ZDHHC14: variants seen among roughly 807,000 people sequenced by gnomAD.
ZDHHC14 encodes palmitoyltransferase ZDHHC14.
Under a neutral mutation model 47.7 loss-of-function variants are expected in ZDHHC14, and 16 were observed. The ratio of observed to expected loss-of-function variants is 0.34; its 90% CI spans 0.23 to 0.51. The LOEUF is 0.51. ZDHHC14 is among the 20% of genes least tolerant of loss of function. ZDHHC14 has a pLI of 0.97. For synonymous variants in ZDHHC14, 293 were observed against 278.9 expected, an observed-to-expected ratio of 1.05 and a Z score of -0.50; for missense variants, 515 against 662.5, an observed-to-expected ratio of 0.78 and a Z score of 2.44.
At position 157,677,220 on chromosome 6, in the gene ZDHHC14, A is replaced by G. The variant is rs1023648339; in HGVS notation, c.*4098A>G. On this transcript the variant is annotated 3_prime_UTR_variant, in exon 9 of 9. Transcript: ENST00000359775. The stretch of plus-strand genomic sequence containing the variant: ...AGGTCTGCATGTGGAGTTGTATGCT[A>G]TTTTCCAAGGTACCTCATTTAAAAA... 1 of 128,138 alleles carries G rather than the reference A, an allele frequency of 7.8e-6. No homozygotes were observed. Among genetic ancestry groups the G allele is most frequent in the African/African-American group, 3.0e-5 (1 of 33,070 alleles). The allele number at this position is 128,138 out of a possible 1,614,324, so 7.9% of individuals were successfully genotyped here.
intron 4 of ZDHHC14, chr6:157,628,724 G>A (rs1008097198): frequency 2.2e-5 from 11 of 507,540 alleles, no homozygotes; most frequent in Non-Finnish European, 3.5e-5. Context: ...TCCAGGGGTC[G>A]CACCTAGGCC....
At position 157,548,356 on chromosome 6, in the gene ZDHHC14, C is replaced by T. The variant is rs1399998594; in HGVS notation, c.406+5611C>T. Among the ~76,000 whole-genome samples, 3 of 152,202 alleles carry T rather than the reference C, an allele frequency of 2.0e-5. No individual in the cohort carries two copies. The East Asian group carries it at 5.8e-4, about 29-fold the overall frequency. On this transcript the variant is annotated intron_variant, in intron 2 of 8. Coordinates refer to ENST00000359775, the MANE Select transcript of ZDHHC14 (RefSeq NM_024630.3). The stretch of plus-strand genomic sequence containing the variant: ...TCCATGCAGAATGGATTGCACCTGC[C>T]GGTGTGGGGGTCCTTGCTGCCTCTC...
intron 1 of ZDHHC14, among the ~76,000 whole-genome samples, chr6:157,489,703 G>A (rs1258208560): frequency 2.0e-5 from 3 of 152,172 alleles, no homozygotes; most frequent in Non-Finnish European, 4.4e-5. Context: ...CGCAATGCGT[G>A]GCCTCTTACA....
At chr6:157,671,301 C>T (rs901115848) in intron 8 of ZDHHC14, among the ~76,000 whole-genome samples, 4 of 152,190 alleles carry the variant, frequency 2.6e-5, no homozygotes, top group African/African-American at 4.8e-5. Flanking sequence ...AGGTCTTGAT[C>T]GAGCTGTCCA....
intron 1 of ZDHHC14, among the ~76,000 whole-genome samples, chr6:157,493,238 A>C (rs1223928808): frequency 1.3e-5 from 2 of 152,188 alleles, no homozygotes; most frequent in African/African-American, 2.4e-5. Flanking sequence ...GTCAAGGATG[A>C]AAGGGGGAGG....
At chr6:157,485,739 A>G (rs1445897716) in intron 1 of ZDHHC14, among the ~76,000 whole-genome samples, 2 of 150,834 alleles carry the variant, frequency 1.3e-5, no homozygotes, top group East Asian at 1.9e-4. Context: ...GGCCGGGTGC[A>G]GTGGCTCATG....
At chr6:157,567,007 T>C (rs1327661421) in intron 2 of ZDHHC14, among the ~76,000 whole-genome samples, 1 of 151,982 alleles carries the variant, frequency 6.6e-6, no homozygotes, top group Non-Finnish European at 1.5e-5. Context: ...TGTGCCTCCA[T>C]GCCCAGCTAA....
At chr6:157,471,988 G>A (rs1212185934) in intron 1 of ZDHHC14, among the ~76,000 whole-genome samples, 2 of 152,168 alleles carry the variant, frequency 1.3e-5, no homozygotes, top group Non-Finnish European at 2.9e-5. Context: ...CCAATAGTGC[G>A]CACCCACATA....
Position 157,540,906 on chromosome 6 carries a change from G to GTATATATATATATA in ZDHHC14, c.246-1678_246-1677insATATATATATATAT, listed in dbSNP as rs1470065372. Among the ~76,000 whole-genome samples, 285 of 126,954 alleles carry GTATATATATATATA rather than the reference G, an allele frequency of 2.2e-3. 2 individuals carry two copies. Among genetic ancestry groups the GTATATATATATATA allele is most frequent in the Non-Finnish European group, 3.6e-3 (238 of 66,098 alleles). The allele number at this position is 126,954 out of a possible 152,430, so 83.3% of individuals were successfully genotyped here. The stretch of plus-strand genomic sequence containing the variant: ...TGTATGTATGTGTGTGTGTGTGTGT[G>GTATATATATATATA]TGTGTATATATATATATATATATAT... On this transcript the variant is annotated intron_variant, in intron 1 of 8. Coordinates refer to ENST00000359775, the MANE Select transcript of ZDHHC14 (RefSeq NM_024630.3).
chr6:157,540,884 A>ATGTGTGTGTGTGTG (rs761747961), intron 1 of ZDHHC14, among the ~76,000 whole-genome samples: 11,244 of 114,046 alleles, frequency 0.099, 670 homozygotes, highest in Admixed American at 0.15. Context: ...ATATATATGT[A>ATGTGTGTGTGTGTG]TGTATGTGTG....
intron 2 of ZDHHC14, among the ~76,000 whole-genome samples, chr6:157,562,313 G>A (rs775910394): frequency 1.1e-3 from 174 of 152,312 alleles, no homozygotes; most frequent in Admixed American, 1.0e-2. Flanking sequence ...GGGTTTAGCC[G>A]TGAGAACAGC....
At chr6:157,587,142 T>C (rs796067600) in intron 2 of ZDHHC14, among the ~76,000 whole-genome samples, 32 of 152,362 alleles carry the variant, frequency 2.1e-4, no homozygotes, top group African/African-American at 7.7e-4. Context: ...ACTGAGTTCG[T>C]ATTTTATAAA....
chr6:157,672,654 CATCCCT>C, intron 8 of ZDHHC14, 64 bp from the exon 9 acceptor site: 3 of 1,171,346 alleles, frequency 2.6e-6, no homozygotes, highest in East Asian at 2.9e-5. Context: ...GCCCTGTCCC[CATCCCT>C]GTCCCTCCCC....
In ZDHHC14 at chr6:157,582,102, G is replaced by A. The variant is rs1469080983; in HGVS notation, c.407-10886G>A. ...AGTAGATTTGGGCTTTCTCCATGTT[G>A]GCCAGGCTGGTCTCAAACTCCTGGC... On this transcript the variant is annotated intron_variant, in intron 2 of 8. Coordinates refer to ENST00000359775, the MANE Select transcript of ZDHHC14 (RefSeq NM_024630.3). This position sits in a 1 kb window ranked among gnomAD's most constrained non-coding sequence, Gnocchi z 4.3. Among the ~76,000 whole-genome samples the A allele has an allele frequency of 6.6e-6, 1 of 152,244 alleles. No homozygotes were observed. Among genetic ancestry groups the A allele is most frequent in the East Asian group, 1.9e-4 (1 of 5,182 alleles).
At chr6:157,606,854 TCTAA>T (rs975021373) in intron 3 of ZDHHC14, among the ~76,000 whole-genome samples, 8 of 152,234 alleles carry the variant, frequency 5.3e-5, no homozygotes, top group African/African-American at 1.7e-4. Flanking sequence ...TCCACTAACG[TCTAA>T]ATGAAATTGA....
At chr6:157,652,934 TA>T (rs1196791631) in intron 7 of ZDHHC14, among the ~76,000 whole-genome samples, 1 of 152,014 alleles carries the variant, frequency 6.6e-6, no homozygotes, top group Non-Finnish European at 1.5e-5. Context: ...GGAAGGGGGC[TA>T]GGGGCAAGAG....
At chr6:157,395,572 G>C (rs886383119) in intron 1 of ZDHHC14, among the ~76,000 whole-genome samples, 6 of 152,126 alleles carry the variant, frequency 3.9e-5, no homozygotes, top group Admixed American at 3.9e-4. Flanking sequence ...AAGGCCGGCG[G>C]ATCAGGAGGT....
intron 1 of ZDHHC14, among the ~76,000 whole-genome samples, chr6:157,531,145 G>T (rs1008110524): frequency 6.6e-6 from 1 of 152,010 alleles, no homozygotes; most frequent in Non-Finnish European, 1.5e-5. Context: ...TTTGCAGTTC[G>T]CCACCAAACG....
At chr6:157,628,655 T>C in intron 4 of ZDHHC14, 169 bp downstream of exon 4, 1 of 819,194 alleles carries the variant, frequency 1.2e-6, no homozygotes. Flanking sequence ...CTCACCCTCC[T>C]CCATCCCTCC....
Sources: gnomAD v4.1 joint callset for allele counts (sites outside exome capture counted in the v4.1 genomes callset) on GRCh38, gnomAD v4.1.1 for gene constraint, Gnocchi (gnomAD v3.1) non-coding constraint, MANE v1.5 for transcripts, NCBI Gene and HGNC (gene_info 2026-07-23, HGNC 2026-07-21) for gene names.